Variants in UNC13C observed in about 807,000 individuals in gnomAD.
The protein encoded by UNC13C is protein unc-13 homolog C.
UNC13C carries 174 observed loss-of-function variants against 245.4 expected under a neutral mutation model. That is an observed-to-expected ratio of 0.71 (90% CI 0.63 to 0.80). The LOEUF is 0.80. UNC13C is among the 30% of genes least tolerant of loss of function. The pLI is 0.00. For missense variants in UNC13C, 2,829 were observed against 2,602.9 expected (o/e 1.09, Z -1.89); for synonymous variants, 992 against 895.1 (o/e 1.11, Z -1.93).
chr15:54,570,848 A>G (rs1446266843), intron 30 of UNC13C, among the ~76,000 whole-genome samples: 1 of 152,216 alleles, frequency 6.6e-6, no homozygotes, highest in Non-Finnish European at 1.5e-5. Flanking sequence ...TGTCCAGTCC[A>G]TGTTCTCTTT....
the UNC13C span, among the ~76,000 whole-genome samples, chr15:53,917,229 T>C: frequency 8.5e-5 from 13 of 152,152 alleles, no homozygotes; most frequent in African/African-American, 3.1e-4. Flanking sequence ...ATGGAAGAAG[T>C]GATTTCACCT....
chr15:54,209,723 T>G (rs1447762075), intron 4 of UNC13C, among the ~76,000 whole-genome samples: 1 of 152,158 alleles, frequency 6.6e-6, no homozygotes, highest in African/African-American at 2.4e-5. Context: ...CTACATTTTA[T>G]ATAAATGTTT....
In UNC13C at chr15:54,610,653, A is replaced by G. The variant is rs547315990; in HGVS notation, c.6107-11674A>G. On this transcript the variant is annotated intron_variant, in intron 30 of 32. Transcript: ENST00000260323. Reference sequence around the variant, plus strand: ...TGCCAGGTATTTTAAGTTCTTTTCAAGTGGTAACTCATTTAATCTTTACAA... The same window carrying G: ...TGCCAGGTATTTTAAGTTCTTTTCAGGTGGTAACTCATTTAATCTTTACAA... Among the ~76,000 whole-genome samples the G allele has an allele frequency of 2.6e-5, 4 of 152,346 alleles. No homozygotes were observed. In the South Asian group the frequency reaches 8.3e-4, roughly 32 times the overall value.
At chr15:54,381,026 A>T (rs1299910945) in intron 17 of UNC13C, among the ~76,000 whole-genome samples, 1 of 152,168 alleles carries the variant, frequency 6.6e-6, no homozygotes, top group Non-Finnish European at 1.5e-5. Context: ...CATCCAAAAA[A>T]ATCTTAATCC....
intron 17 of UNC13C, among the ~76,000 whole-genome samples, chr15:54,349,111 A>G (rs1231343188): frequency 6.7e-6 from 1 of 148,204 alleles, no homozygotes; most frequent in Non-Finnish European, 1.5e-5. Flanking sequence ...TAAAATATTT[A>G]TATTTTATAA....
intron 17 of UNC13C, among the ~76,000 whole-genome samples, chr15:54,342,772 T>G (rs1201908080): frequency 2.0e-5 from 3 of 147,840 alleles, no homozygotes; most frequent in South Asian, 2.2e-4. Context: ...GGGGTCACTG[T>G]TTTTTGTTTT....
intron 1 of UNC13C, among the ~76,000 whole-genome samples, chr15:53,989,257 G>A (rs376206312): frequency 2.0e-5 from 3 of 151,528 alleles, no homozygotes; most frequent in African/African-American, 7.3e-5. Flanking sequence ...ATCGATGAAG[G>A]CAAGGTTATG....
intron 30 of UNC13C, among the ~76,000 whole-genome samples, chr15:54,622,057 T>C (rs548509676): frequency 1.3e-5 from 2 of 152,282 alleles, no homozygotes; most frequent in South Asian, 2.1e-4. Flanking sequence ...AAATCAACCC[T>C]AGTTCTTTAA....
intron 18 of UNC13C, among the ~76,000 whole-genome samples, chr15:54,398,695 G>A (rs2040120666): frequency 6.6e-6 from 1 of 151,196 alleles, no homozygotes; most frequent in African/African-American, 2.4e-5. Context: ...TTTGTAGTTT[G>A]TATCTTCAAG....
the UNC13C span, among the ~76,000 whole-genome samples, chr15:53,893,481 T>A: frequency 6.6e-6 from 1 of 152,200 alleles, no homozygotes; most frequent in Admixed American, 6.5e-5. Flanking sequence ...GGTGCTCTGT[T>A]CCAGGGAGAT....
At chr15:54,065,507 A>G (rs1595797846) in intron 2 of UNC13C, among the ~76,000 whole-genome samples, 2 of 152,346 alleles carry the variant, frequency 1.3e-5, no homozygotes, top group South Asian at 2.1e-4. Context: ...AAGCCCCTGT[A>G]AGAAACATCC....
intron 2 of UNC13C, among the ~76,000 whole-genome samples, chr15:54,077,021 G>C (rs1366976842): frequency 1.3e-5 from 2 of 152,114 alleles, no homozygotes; most frequent in Non-Finnish European, 2.9e-5. Context: ...GAGATGAGTA[G>C]CTTATCAAGG....
the UNC13C span, among the ~76,000 whole-genome samples, chr15:53,861,511 A>G: frequency 1.3e-5 from 2 of 152,114 alleles, no homozygotes; most frequent in Non-Finnish European, 2.9e-5. Context: ...ACTTGTTCTT[A>G]GTCAAAAGGC....
Position 54,013,723 on chromosome 15 carries a change from A to G in UNC13C, c.820A>G (p.Ile274Val), listed in dbSNP as rs768852845. 3 of 1,613,108 alleles carry G rather than the reference A, an allele frequency of 1.9e-6. No homozygotes were observed. In the South Asian group the frequency reaches 3.3e-5, roughly 18 times the overall value. Reference protein sequence around the residue: ...RGHVNALKHSIDEISSSVEVV... With the variant: ...RGHVNALKHSVDEISSSVEVV... The stretch of plus-strand genomic sequence containing the variant: ...GCACGTCAATGCTCTCAAGCACTCC[A>G]TCGATGAGATCTCCAGCAGTGTGGA... The change falls in exon 2 of 33, where the codon ATC becomes GTC. Residue 274 changes from isoleucine to valine, a missense_variant. Physicochemically the swap from Ile to Val is conservative, Grantham distance 29 (BLOSUM62 3). Coordinates refer to ENST00000260323, the MANE Select transcript of UNC13C (RefSeq NM_001080534.3).
chr15:54,470,220 G>A (rs898135133), intron 19 of UNC13C, among the ~76,000 whole-genome samples: 5 of 151,400 alleles, frequency 3.3e-5, no homozygotes, highest in African/African-American at 1.2e-4. Flanking sequence ...GAAAATAAAT[G>A]TATCTGTCTG....
intron 24 of UNC13C, among the ~76,000 whole-genome samples, chr15:54,523,260 A>G (rs913192914): frequency 6.6e-6 from 1 of 152,218 alleles, no homozygotes; most frequent in African/African-American, 2.4e-5. Context: ...TATGTCCATT[A>G]TGCTCATTAT....
intron 2 of UNC13C, among the ~76,000 whole-genome samples, chr15:54,054,433 A>G (rs1042635925): frequency 2.0e-5 from 3 of 152,146 alleles, no homozygotes; most frequent in African/African-American, 7.2e-5. Flanking sequence ...TTAAATTGTC[A>G]CAGGATGATT....
chr15:54,607,193 T>A (rs748428501), intron 30 of UNC13C, among the ~76,000 whole-genome samples: 1 of 152,200 alleles, frequency 6.6e-6, no homozygotes, highest in Non-Finnish European at 1.5e-5. Flanking sequence ...GTGACAGATG[T>A]ATGATACCAA....
the UNC13C span, among the ~76,000 whole-genome samples, chr15:53,849,395 A>G: frequency 1.3e-5 from 2 of 152,098 alleles, no homozygotes; most frequent in Admixed American, 1.3e-4. Flanking sequence ...GGTCTACAAT[A>G]TAAAACATAA....
Sources: gnomAD v4.1 joint callset for allele counts (sites outside exome capture counted in the v4.1 genomes callset) on GRCh38, gnomAD v4.1.1 for gene constraint, MANE v1.5 for transcripts, NCBI Gene and HGNC (gene_info 2026-07-23, HGNC 2026-07-21) for gene names.